PCDHGA1: variants seen among roughly 807,000 people sequenced by gnomAD.
PCDHGA1 encodes the protein protocadherin gamma subfamily A, 1.
PCDHGA1 carries 32 observed loss-of-function variants against 58.0 expected under a neutral mutation model. The ratio of observed to expected loss-of-function variants is 0.55; its 90% CI spans 0.42 to 0.74. The LOEUF is 0.74. Ranked by LOEUF, PCDHGA1 falls within the 30% of genes least tolerant of loss-of-function variation. The pLI is 0.00. For synonymous variants in PCDHGA1, 498 were observed against 501.1 expected (o/e 0.99, Z 0.08); for missense variants, 1,205 against 1,182.3 (o/e 1.02, Z -0.28).
chr5:141,340,436 T>G, intron 1 of PCDHGA1: 1 of 1,614,210 alleles, frequency 6.2e-7, no homozygotes, highest in Non-Finnish European at 8.5e-7. Context: ...TCATGTAACT[T>G]ACTCTTTCGC....
intron 1 of PCDHGA1, among the ~76,000 whole-genome samples, chr5:141,464,155 C>T (rs2099076990): frequency 1.3e-5 from 2 of 151,614 alleles, no homozygotes; most frequent in African/African-American, 4.8e-5. Flanking sequence ...GTCCCAGCTA[C>T]TTGGAAGGCT....
At chr5:141,404,110 C>G (rs1283800962) in intron 1 of PCDHGA1, 1 of 1,613,336 alleles carries the variant, frequency 6.2e-7, no homozygotes, top group South Asian at 1.1e-5. Context: ...TCTGTTCTAT[C>G]CAGGAGAATC....
intron 1 of PCDHGA1, among the ~76,000 whole-genome samples, chr5:141,401,891 T>C (rs1196463391): frequency 6.6e-6 from 1 of 152,200 alleles, no homozygotes; most frequent in Non-Finnish European, 1.5e-5. Context: ...TTTTGTGTTC[T>C]TTTTCCCAAA....
chr5:141,378,647 G>A lies in PCDHGA1; in HGVS notation c.2421+45542G>A, dbSNP rs576972610. On this transcript the variant is annotated intron_variant, in intron 1 of 3. Coordinates refer to ENST00000517417, the MANE Select transcript of PCDHGA1 (RefSeq NM_018912.3). Reference sequence around the variant, plus strand: ...CTGACTGGTGAATGGGAGAACAAATGTTAATGAGGTTCAAATAAAAATTTA... The same window carrying A: ...CTGACTGGTGAATGGGAGAACAAATATTAATGAGGTTCAAATAAAAATTTA... 11 of 152,304 alleles carry A rather than the reference G, an allele frequency of 7.2e-5. No homozygotes were observed. The East Asian group carries it at 1.9e-3, about 27-fold the overall frequency. 9.4% of individuals were successfully genotyped at this position (152,304 alleles called of 1,614,324 possible).
At chr5:141,425,695 T>G (rs1329762653) in intron 1 of PCDHGA1, among the ~76,000 whole-genome samples, 1 of 152,232 alleles carries the variant, frequency 6.6e-6, no homozygotes, top group African/African-American at 2.4e-5. Context: ...TATCATTTCA[T>G]AGTGGTCAAA....
At position 141,332,510 on chromosome 5, in the gene PCDHGA1, T is replaced by G. The variant is rs1168713901; in HGVS notation, c.1826T>G (p.Leu609Arg). Residue 609 changes from leucine (L) to arginine (R), a missense_variant, in exon 1 of 4, where the codon CTC becomes CGC. Leu to Arg is a moderately radical substitution (Grantham distance 102, BLOSUM62 -2). Transcript: ENST00000517417. The surrounding 1 kb of genome is among the most constrained non-coding windows in gnomAD (Gnocchi z 4.6). Reference protein sequence around the residue: ...GQNAWLSYRLLKASEPGLFSV... With the variant: ...GQNAWLSYRLRKASEPGLFSV... ...AACGCCTGGCTGTCCTACCGCCTGC[T>G]CAAGGCCAGCGAGCCGGGACTCTTC... The G allele has an allele frequency of 3.7e-6, 6 of 1,611,626 alleles. No homozygotes were observed. Among genetic ancestry groups the G allele is most frequent in the Non-Finnish European group, 5.1e-6 (6 of 1,179,842 alleles).
At chr5:141,418,563 C>T in intron 1 of PCDHGA1, 2 of 1,613,998 alleles carry the variant, frequency 1.2e-6, no homozygotes, top group Non-Finnish European at 1.7e-6. Context: ...GTAATAGATG[C>T]CAATGACAAC....
intron 1 of PCDHGA1, chr5:141,355,471 G>T (rs1316340611): frequency 6.2e-7 from 1 of 1,614,102 alleles, no homozygotes; most frequent in South Asian, 1.1e-5. Context: ...GGGTAGGATA[G>T]ACAGGGAGGA....
intron 2 of PCDHGA1, among the ~76,000 whole-genome samples, chr5:141,498,004 G>C (rs1385457484): frequency 6.6e-6 from 1 of 152,316 alleles, no homozygotes; most frequent in African/African-American, 2.4e-5. Flanking sequence ...GGAGTTTACA[G>C]TGCACTGAAG....
At chr5:141,419,276 CAA>C in intron 1 of PCDHGA1, 4 of 1,614,038 alleles carry the variant, frequency 2.5e-6, no homozygotes, top group Non-Finnish European at 3.4e-6. Flanking sequence ...CTCCATAGCG[CAA>C]GTCAGTGCCT....
intron 1 of PCDHGA1, chr5:141,350,838 T>G: frequency 6.2e-7 from 1 of 1,614,066 alleles, no homozygotes; most frequent in African/African-American, 1.3e-5. Flanking sequence ...GTATTACTGC[T>G]GGAAAAACCT....
At chr5:141,463,324 T>C (rs1413608053) in intron 1 of PCDHGA1, among the ~76,000 whole-genome samples, 1 of 150,722 alleles carries the variant, frequency 6.6e-6, no homozygotes, top group Non-Finnish European at 1.5e-5. Context: ...ATTCCTCAAC[T>C]CAGCAAAACC....
At chr5:141,373,821 G>C (rs1268202879) in intron 1 of PCDHGA1, 1 of 364,140 alleles carries the variant, frequency 2.7e-6, no homozygotes, top group African/African-American at 2.1e-5. Flanking sequence ...TTCACAAAAC[G>C]ATGCAGTATT....
chr5:141,337,499 A>G (rs534103555), intron 1 of PCDHGA1, among the ~76,000 whole-genome samples: 1 of 152,348 alleles, frequency 6.6e-6, no homozygotes, highest in Non-Finnish European at 1.5e-5. Flanking sequence ...AAGACATGAT[A>G]TCAAGTGAAA....
At chr5:141,403,638 A>C in intron 1 of PCDHGA1, 1 of 1,613,906 alleles carries the variant, frequency 6.2e-7, no homozygotes, top group East Asian at 2.2e-5. Context: ...GTGCGCATCC[A>C]TGTGACAGTG....
Position 141,332,964 on chromosome 5 carries a change from T to C in PCDHGA1, c.2280T>C (p.Thr760=), listed in dbSNP as rs776555288. 1.7e-5 allele frequency: 27 copies of C among 1,614,068 alleles called. No homozygotes were observed. The highest frequency in any genetic ancestry group is 2.3e-5 in the Non-Finnish European group (27 of 1,180,036). The change falls in exon 1 of 4, where the codon ACT becomes ACC. Residue 760 remains threonine (T), a synonymous_variant. Coordinates refer to ENST00000517417, the MANE Select transcript of PCDHGA1 (RefSeq NM_018912.3). The surrounding 1 kb of genome is among the most constrained non-coding windows in gnomAD (Gnocchi z 4.6). ...LQTYSHEVSL[T]ADSRKSHLIF... ...CCTATTCCCACGAGGTCTCCCTCACTGCGGACTCGCGGAAGAGCCACCTGA... is the reference window on the plus strand; with the variant it reads ...CCTATTCCCACGAGGTCTCCCTCACCGCGGACTCGCGGAAGAGCCACCTGA...
Position 141,485,064 on chromosome 5 carries a change from G to C in PCDHGA1, c.2422-9743G>C, listed in dbSNP as rs1205637757. On this transcript the variant is annotated intron_variant, in intron 1 of 3. Transcript: ENST00000517417. The surrounding 1 kb of genome is among the most constrained non-coding windows in gnomAD (Gnocchi z 5.7). ...TTGCGGCGCCGGCCGAACCGCGCCA[G>C]AGCTGGCGCGGGGAAAGGGAGATAG... The C allele has an allele frequency of 4.9e-5, 43 of 882,320 alleles. No individual in the cohort carries two copies. The highest frequency in any genetic ancestry group is 7.4e-5 in the Non-Finnish European group (41 of 557,230). 54.7% of individuals were successfully genotyped at this position (882,320 alleles called of 1,614,324 possible).
intron 1 of PCDHGA1, chr5:141,390,099 C>G: frequency 6.2e-7 from 1 of 1,614,052 alleles, no homozygotes; most frequent in Non-Finnish European, 8.5e-7. Context: ...CGTGGTTCCC[C>G]CCAACTACAG....
At chr5:141,384,819 G>C (rs1251597245) in intron 1 of PCDHGA1, 2 of 1,613,524 alleles carry the variant, frequency 1.2e-6, no homozygotes, top group African/African-American at 1.3e-5. Flanking sequence ...CCCTCAAGCA[G>C]AGCCTCGTGG....
Sources: gnomAD v4.1 joint callset for allele counts (sites outside exome capture counted in the v4.1 genomes callset) on GRCh38, gnomAD v4.1.1 for gene constraint, Gnocchi (gnomAD v3.1) non-coding constraint, MANE v1.5 for transcripts, NCBI Gene and HGNC (gene_info 2026-07-23, HGNC 2026-07-21) for gene names.